GABBR2: variants seen among roughly 807,000 people sequenced by gnomAD.
GABBR2 encodes G-protein coupled receptor 51.
GABBR2 carries 23 observed loss-of-function variants against 105.6 expected under a neutral mutation model. That is an observed-to-expected ratio of 0.22 (90% CI 0.16 to 0.31). The LOEUF (loss-of-function observed/expected upper bound fraction) is 0.31, where lower values mean the gene tolerates loss of function less well. Ranked by LOEUF, GABBR2 falls within the 10% of genes least tolerant of loss-of-function variation. The probability of loss-of-function intolerance (pLI) is 1.00; values close to 1 mark genes in which losing one functional copy is unlikely to be tolerated. For missense variants in GABBR2, 734 were observed against 1,245.5 expected (o/e 0.59, Z 6.18); for synonymous variants, 478 against 499.7 (o/e 0.96, Z 0.58).
At chr9:98,621,056 C>G (rs1465283684) in intron 1 of GABBR2, among the ~76,000 whole-genome samples, 2 of 152,206 alleles carry the variant, frequency 1.3e-5, no homozygotes, top group African/African-American at 4.8e-5. Context: ...ATAGACTCTA[C>G]AGTCAAAGCT....
intron 13 of GABBR2, among the ~76,000 whole-genome samples, chr9:98,341,754 T>G (rs1245324952): frequency 6.6e-6 from 1 of 152,130 alleles, no homozygotes; most frequent in East Asian, 1.9e-4. Flanking sequence ...AACAACATCC[T>G]TCGTAGTAGA....
chr9:98,698,440 C>G (rs1407644362), intron 1 of GABBR2, among the ~76,000 whole-genome samples: 2 of 151,934 alleles, frequency 1.3e-5, no homozygotes, highest in Non-Finnish European at 2.9e-5. Flanking sequence ...TTCACACAGG[C>G]AAGAATTTTC....
At chr9:98,673,821 C>A (rs1361030360) in intron 1 of GABBR2, among the ~76,000 whole-genome samples, 1 of 152,184 alleles carries the variant, frequency 6.6e-6, no homozygotes, top group African/African-American at 2.4e-5. Flanking sequence ...GACACACAAG[C>A]CCTTGTCTGA....
chr9:98,700,118 T>A lies in GABBR2; in HGVS notation c.321+8299A>T, dbSNP rs368518468. The stretch of plus-strand genomic sequence containing the variant: ...GGGCTATACCACGTGTAATTGTTTT[T>A]GTCTATCTTGATCACCTGTTGGACA... On this transcript the variant is annotated intron_variant, in intron 1 of 18. Transcript: ENST00000259455. Among the ~76,000 whole-genome samples, 3 of 152,296 alleles carry A rather than the reference T, an allele frequency of 2.0e-5. No individual in the cohort carries two copies. The South Asian group carries it at 6.2e-4, about 32-fold the overall frequency.
At chr9:98,437,258 C>T (rs1486431591) in intron 7 of GABBR2, among the ~76,000 whole-genome samples, 2 of 152,148 alleles carry the variant, frequency 1.3e-5, no homozygotes, top group African/African-American at 4.8e-5. Flanking sequence ...GAAATTACCT[C>T]TCCTAGGCCT....
chr9:98,480,796 C>G (rs56377274), intron 5 of GABBR2, 136 bp downstream of exon 5: 1 of 657,954 alleles, frequency 1.5e-6, no homozygotes, highest in Admixed American at 2.1e-5. Flanking sequence ...GAACAGTGAA[C>G]GCAACTCTTC....
intron 4 of GABBR2, chr9:98,496,130 T>C (rs1588195118): frequency 2.3e-6 from 1 of 441,412 alleles, no homozygotes; most frequent in East Asian, 4.2e-5. Flanking sequence ...ATGACAATCA[T>C]GTGTGCCCTG....
rs1464969204 is a variant in GABBR2 at position 98,436,374 on chromosome 9, T to C, written c.1236+17607A>G. 9.0e-4 allele frequency among the ~76,000 whole-genome samples: 39 copies of C among 43,112 alleles called. 5 individuals carry two copies. The highest frequency in any genetic ancestry group is 2.1e-3 in the African/African-American group (15 of 7,096). 28.3% of individuals were successfully genotyped at this position (43,112 alleles called of 152,430 possible). ...ATATATATATATATATATATATATA[T>C]ATATATATATATATATATATATATA... On this transcript the variant is annotated intron_variant, in intron 7 of 18. Transcript: ENST00000259455.
At position 98,388,141 on chromosome 9, in the gene GABBR2, G is replaced by A. The variant is rs1487283857; in HGVS notation, c.1529+713C>T. On this transcript the variant is annotated intron_variant, in intron 10 of 18. Coordinates refer to ENST00000259455, the MANE Select transcript of GABBR2 (RefSeq NM_005458.8). The surrounding 1 kb of genome is among the most constrained non-coding windows in gnomAD (Gnocchi z 4.4). ...GGTAAAAACCACCGCCTGGAGTGGCGGCCTGTTCTACCCATGACTGACCAG... is the reference window on the plus strand; with the variant it reads ...GGTAAAAACCACCGCCTGGAGTGGCAGCCTGTTCTACCCATGACTGACCAG... Among the ~76,000 whole-genome samples the A allele has an allele frequency of 6.6e-6, 1 of 152,188 alleles. No homozygotes were observed. The highest frequency in any genetic ancestry group is 1.5e-5 in the Non-Finnish European group (1 of 68,036).
intron 1 of GABBR2, among the ~76,000 whole-genome samples, chr9:98,645,732 C>T (rs552211021): frequency 1.3e-5 from 2 of 152,266 alleles, no homozygotes; most frequent in Admixed American, 1.3e-4. Flanking sequence ...CCTACTGCAG[C>T]CAAGCATGTA....
intron 6 of GABBR2, among the ~76,000 whole-genome samples, chr9:98,463,615 CTCTCGCTCTCCG>C (rs1402681666): frequency 6.6e-6 from 1 of 151,630 alleles, no homozygotes; most frequent in Non-Finnish European, 1.5e-5. Flanking sequence ...CTCGCTCTCG[CTCTCGCTCTCCG>C]TCTCGCTCTC....
intron 18 of GABBR2, among the ~76,000 whole-genome samples, chr9:98,292,385 T>C (rs959846267): frequency 1.3e-5 from 2 of 152,164 alleles, no homozygotes; most frequent in African/African-American, 2.4e-5. Flanking sequence ...TTCAACCACA[T>C]TGTTTTGTGG....
chr9:98,348,058 C>T (rs1029906470), intron 13 of GABBR2, among the ~76,000 whole-genome samples: 2 of 152,186 alleles, frequency 1.3e-5, no homozygotes, highest in African/African-American at 2.4e-5. Context: ...GTCTATTAAA[C>T]CTCTTTCCTT....
At chr9:98,599,117 T>G (rs948861229) in intron 1 of GABBR2, among the ~76,000 whole-genome samples, 1 of 152,166 alleles carries the variant, frequency 6.6e-6, no homozygotes, top group African/African-American at 2.4e-5. Flanking sequence ...GCCTCATTCC[T>G]GGGTGGGATC....
intron 7 of GABBR2, among the ~76,000 whole-genome samples, chr9:98,410,496 AGG>A (rs1250331342): frequency 7.0e-6 from 1 of 141,958 alleles, no homozygotes; most frequent in Non-Finnish European, 1.5e-5. Context: ...AGCATGCATG[AGG>A]GAAAAGCTTT....
chr9:98,582,447 CT>C (rs1364794434), intron 1 of GABBR2, among the ~76,000 whole-genome samples: 2 of 152,152 alleles, frequency 1.3e-5, no homozygotes, highest in African/African-American at 4.8e-5. Context: ...CCAGATGACA[CT>C]TTGATTTTGG....
chr9:98,643,816 G>A (rs1395161394), intron 1 of GABBR2, among the ~76,000 whole-genome samples: 1 of 152,172 alleles, frequency 6.6e-6, no homozygotes, highest in Admixed American at 6.5e-5. Flanking sequence ...TTTCTTTGCT[G>A]GCATTGCTGA....
intron 3 of GABBR2, among the ~76,000 whole-genome samples, chr9:98,514,931 C>T (rs1369388689): frequency 6.6e-6 from 1 of 152,104 alleles, no homozygotes; most frequent in Non-Finnish European, 1.5e-5. Flanking sequence ...TTCGTGCATC[C>T]CTGAAGAACT....
chr9:98,631,492 G>A (rs1305602377), intron 1 of GABBR2, among the ~76,000 whole-genome samples: 1 of 152,220 alleles, frequency 6.6e-6, no homozygotes, highest in Non-Finnish European at 1.5e-5. Context: ...GAATGGAACA[G>A]ACAGATATCT....
Sources: gnomAD v4.1 joint callset for allele counts (sites outside exome capture counted in the v4.1 genomes callset) on GRCh38, gnomAD v4.1.1 for gene constraint, Gnocchi (gnomAD v3.1) non-coding constraint, MANE v1.5 for transcripts, NCBI Gene and HGNC (gene_info 2026-07-23, HGNC 2026-07-21) for gene names.